Variants in PRSS3 observed in about 807,000 individuals in gnomAD.
PRSS3 encodes the protein trypsin-3.
PRSS3 carries 14 observed loss-of-function variants against 20.8 expected under a neutral mutation model. That is an observed-to-expected ratio of 0.67 (90% CI 0.44 to 1.05). The LOEUF is 1.05. PRSS3 is among the 50% of genes least tolerant of loss of function. The probability of loss-of-function intolerance (pLI) is 0.00; values close to 1 mark genes in which losing one functional copy is unlikely to be tolerated. For missense variants in PRSS3, 237 were observed against 306.4 expected (o/e 0.77, Z 1.69); for synonymous variants, 91 against 117.6 (o/e 0.77, Z 1.46).
At chr9:33,798,663 C>A in intron 4 of PRSS3, 41 bp downstream of exon 4, 1 of 1,613,412 alleles carries the variant, frequency 6.2e-7, no homozygotes, top group East Asian at 2.2e-5. Flanking sequence ...CCACCGATAC[C>A]CAGGCCCCAC....
intron 1 of PRSS3, among the ~76,000 whole-genome samples, chr9:33,763,272 T>C (rs1823281252): frequency 6.6e-6 from 1 of 152,246 alleles, no homozygotes. Context: ...CCTGAGACTC[T>C]TGGGCACATA....
rs1384928733 is a variant in PRSS3 at position 33,799,095 on chromosome 9, G to C, written c.659G>C (p.Cys220Ser). 6.2e-7 allele frequency: 1 copy of C among 1,609,396 alleles called. No homozygotes were observed. The highest frequency in any genetic ancestry group is 8.5e-7 in the Non-Finnish European group (1 of 1,177,954). The change falls in exon 5 of 5, where the codon TGT (cysteine) becomes TCT (serine). Residue 220 changes from cysteine to serine, a missense_variant. Cys to Ser is a moderately radical substitution (Grantham distance 112, BLOSUM62 -1). Coordinates refer to ENST00000379405, the MANE Select transcript of PRSS3 (RefSeq NM_002771.4). ...GGAGTTGTCTCCTGGGGCCATGGCT[G>C]TGCCTGGAAGAACAGGCCTGGAGTC... ...LQGVVSWGHG[C>S]AWKNRPGVYT...
chr9:33,753,846 AAGG>A (rs1822806563), intron 1 of PRSS3, among the ~76,000 whole-genome samples: 1 of 152,180 alleles, frequency 6.6e-6, no homozygotes, highest in African/African-American at 2.4e-5. Context: ...TTTCTCAGAG[AAGG>A]AGAAGTCTGG....
At chr9:33,795,255 A>G (rs924723816), upstream of PRSS3, among the ~76,000 whole-genome samples, 1 of 151,588 alleles carries the variant, frequency 6.6e-6, no homozygotes, top group African/African-American at 2.4e-5. Flanking sequence ...TCTAACCCTC[A>G]TCTCCTCGGC....
chr9:33,756,129 G>A (rs1300949311), intron 1 of PRSS3, among the ~76,000 whole-genome samples: 1 of 152,158 alleles, frequency 6.6e-6, no homozygotes, highest in African/African-American at 2.4e-5. Context: ...CATTTAAGAT[G>A]TCACTTTTCT....
chr9:33,796,515 G>A (rs1410156198), intron 1 of PRSS3, 128 bp from the exon 2 acceptor site: 23 of 1,386,676 alleles, frequency 1.7e-5, no homozygotes, highest in African/African-American at 2.8e-5. Flanking sequence ...GGGTGGCAGC[G>A]CTCCCTCCCT....
In PRSS3 at chr9:33,798,522, C is replaced by T. The variant is rs898973804; in HGVS notation, c.491C>T (p.Pro164Leu). 1.3e-5 allele frequency: 21 copies of T among 1,613,828 alleles called. No individual in the cohort carries two copies. In the Admixed American group the frequency reaches 2.7e-4, roughly 20 times the overall value. The change falls in exon 4 of 5, where the codon CCG becomes CTG. Residue 164 changes from proline to leucine, a missense_variant. Transcript: ENST00000379405. ...GACGAGCTGAAGTGCCTGGATGCTCCGGTGCTGACCCAGGCTGAGTGTAAA... is the reference window on the plus strand; with the variant it reads ...GACGAGCTGAAGTGCCTGGATGCTCTGGTGCTGACCCAGGCTGAGTGTAAA... ...YPDELKCLDA[P>L]VLTQAECKAS...
In PRSS3 at chr9:33,797,860, A is replaced by C. The variant is rs746954340; in HGVS notation, c.232A>C (p.Ile78Leu). 6.2e-7 allele frequency: 1 copy of C among 1,614,236 alleles called. No individual in the cohort carries two copies. Among genetic ancestry groups the C allele is most frequent in the South Asian group, 1.1e-5 (1 of 91,090 alleles). Residue 78 changes from isoleucine to leucine, a missense_variant, in exon 3 of 5, where the codon ATC becomes CTC. Coordinates refer to ENST00000379405, the MANE Select transcript of PRSS3 (RefSeq NM_002771.4). ...RIQVRLGEHNIKVLEGNEQFI... is the reference protein window; with the variant it reads ...RIQVRLGEHNLKVLEGNEQFI... Reference sequence around the variant, plus strand: ...CCAGGTGAGACTGGGAGAGCACAACATCAAAGTCCTGGAGGGGAATGAGCA... The same window carrying C: ...CCAGGTGAGACTGGGAGAGCACAACCTCAAAGTCCTGGAGGGGAATGAGCA...
chr9:33,755,154 G>A (rs998940136), intron 1 of PRSS3, among the ~76,000 whole-genome samples: 1 of 152,126 alleles, frequency 6.6e-6, no homozygotes, highest in African/African-American at 2.4e-5. Context: ...GTGGTTGCGG[G>A]AATACATTTT....
At chr9:33,780,360 T>G (rs1824130410) in intron 1 of PRSS3, among the ~76,000 whole-genome samples, 1 of 152,184 alleles carries the variant, frequency 6.6e-6, no homozygotes, top group Non-Finnish European at 1.5e-5. Context: ...GACAAGCAAA[T>G]GCTGAGGAAA....
At chr9:33,790,482 G>A (rs1418725121) in intron 1 of PRSS3, among the ~76,000 whole-genome samples, 1 of 152,146 alleles carries the variant, frequency 6.6e-6, no homozygotes, top group African/African-American at 2.4e-5. Flanking sequence ...AGACTCAGAA[G>A]TAAACCATGA....
At chr9:33,780,116 A>C (rs1274247618) in intron 1 of PRSS3, among the ~76,000 whole-genome samples, 1 of 152,100 alleles carries the variant, frequency 6.6e-6, no homozygotes, top group East Asian at 1.9e-4. Context: ...CATAGTCGTC[A>C]GATTCACCAA....
At chr9:33,752,042 T>C (rs1290209244) in intron 1 of PRSS3, among the ~76,000 whole-genome samples, 1 of 152,234 alleles carries the variant, frequency 6.6e-6, no homozygotes, top group African/African-American at 2.4e-5. Context: ...TGGCTGTGCA[T>C]TATTTGTTCT....
chr9:33,769,437 G>A (rs753291370), intron 1 of PRSS3, among the ~76,000 whole-genome samples: 149 of 152,214 alleles, frequency 9.8e-4, no homozygotes, highest in Non-Finnish European at 1.5e-3. Flanking sequence ...AAATGGCCTC[G>A]CCCCCTATGG....
chr9:33,784,830 A>G (rs1824321638), intron 1 of PRSS3, among the ~76,000 whole-genome samples: 2 of 152,204 alleles, frequency 1.3e-5, no homozygotes, highest in African/African-American at 2.4e-5. Flanking sequence ...GAGTCAGACA[A>G]TACTTGATAG....
chr9:33,794,821 A>T, upstream of PRSS3: 1 of 1,550,882 alleles, frequency 6.4e-7, no homozygotes, highest in East Asian at 2.4e-5. Flanking sequence ...GTGGCTTCAC[A>T]TTGAAGAAGG....
At chr9:33,759,187 T>C (rs957076042) in intron 1 of PRSS3, among the ~76,000 whole-genome samples, 13 of 151,878 alleles carry the variant, frequency 8.6e-5, no homozygotes, top group Non-Finnish European at 5.9e-5. Flanking sequence ...GAGGTGACGC[T>C]GGAGAGGAGC....
At chr9:33,798,766 G>A in intron 4 of PRSS3, 144 bp downstream of exon 4, 1 of 1,364,472 alleles carries the variant, frequency 7.3e-7, no homozygotes, top group Non-Finnish European at 1.0e-6. Flanking sequence ...CGGGGCTGAG[G>A]CGGCTCCCTG....
intron 1 of PRSS3, among the ~76,000 whole-genome samples, chr9:33,760,639 G>A (rs1404665988): frequency 5.3e-5 from 8 of 151,384 alleles, no homozygotes; most frequent in African/African-American, 1.2e-4. Flanking sequence ...CCAGCTACTC[G>A]GGAGGCTGAG....
Sources: allele counts gnomAD v4.1 joint callset (sites outside exome capture counted in the v4.1 genomes callset), GRCh38; gene constraint gnomAD v4.1.1; transcripts MANE v1.5; gene names NCBI Gene and HGNC (gene_info 2026-07-23, HGNC 2026-07-21).